The following NSD3 variants were observed in gnomAD, a reference collection of about 807,000 sequenced individuals.
NSD3 encodes the protein nuclear receptor binding SET domain protein 3.
Under a neutral mutation model 160.8 loss-of-function variants are expected in NSD3, and 24 were observed. That is an observed-to-expected ratio of 0.15 (90% CI 0.11 to 0.21). The LOEUF (loss-of-function observed/expected upper bound fraction) is 0.21. Among genes scored for constraint, NSD3 ranks in the 10% least tolerant of loss-of-function variants. The probability of loss-of-function intolerance (pLI) is 1.00; values close to 1 mark genes in which losing one functional copy is unlikely to be tolerated. For synonymous variants in NSD3, 520 were observed against 600.0 expected (o/e 0.87, Z 1.95); for missense variants, 1,157 against 1,735.9 (o/e 0.67, Z 5.93).
chr8:38,339,776 A>G (rs1003168935), intron 2 of NSD3, among the ~76,000 whole-genome samples: 1 of 152,014 alleles, frequency 6.6e-6, no homozygotes, highest in African/African-American at 2.4e-5. Context: ...TAGGGAGGCA[A>G]TTTGGAAGTA....
At chr8:38,279,816 G>A in intron 20 of NSD3, 135 bp from the exon 21 acceptor site, 1 of 898,714 alleles carries the variant, frequency 1.1e-6, no homozygotes, top group Non-Finnish European at 1.6e-6. Context: ...GGAAATGTGA[G>A]GCTGCCTGGG....
At chr8:38,315,208 T>C (rs904883228) in intron 11 of NSD3, among the ~76,000 whole-genome samples, 1 of 152,210 alleles carries the variant, frequency 6.6e-6, no homozygotes, top group Non-Finnish European at 1.5e-5. Context: ...CAATTAATTA[T>C]AGTATATCAC....
chr8:38,339,751 GT>G (rs1455487048), intron 2 of NSD3, among the ~76,000 whole-genome samples: 52 of 150,248 alleles, frequency 3.5e-4, no homozygotes, highest in African/African-American at 1.2e-3. Context: ...AAAGAAAGAA[GT>G]TTCTAAAACC....
At chr8:38,301,835 A>C (rs1446919851) in intron 14 of NSD3, among the ~76,000 whole-genome samples, 1 of 152,266 alleles carries the variant, frequency 6.6e-6, no homozygotes, top group Non-Finnish European at 1.5e-5. Flanking sequence ...AGTTTGACTT[A>C]CATATGCAAA....
intron 1 of NSD3, among the ~76,000 whole-genome samples, chr8:38,364,070 C>T (rs914997898): frequency 6.6e-6 from 1 of 151,952 alleles, no homozygotes; most frequent in African/African-American, 2.4e-5. Flanking sequence ...GTCAGGAGTT[C>T]GAGGTCAGCC....
intron 15 of NSD3, among the ~76,000 whole-genome samples, chr8:38,297,031 G>T (rs1438629457): frequency 1.3e-5 from 2 of 152,174 alleles, no homozygotes; most frequent in African/African-American, 4.8e-5. Context: ...CATGCAGTTT[G>T]ATTCTGTACA....
intron 1 of NSD3, among the ~76,000 whole-genome samples, chr8:38,362,593 A>G (rs1184881727): frequency 6.6e-6 from 1 of 152,198 alleles, no homozygotes; most frequent in Non-Finnish European, 1.5e-5. Flanking sequence ...TACATCATCC[A>G]AAAGAGTCAC....
chr8:38,349,665 T>TTATATATATATA lies in NSD3; in HGVS notation c.-44-1462_-44-1451dup, dbSNP rs71519992. ...TATTTTTTTATTGTAATTTCTTTCTTTATATATATATATATATATATATAT... is the reference window on the plus strand; with the variant it reads ...TATTTTTTTATTGTAATTTCTTTCTTTATATATATATATATATATATATATATATATATATAT... On this transcript the variant is annotated intron_variant, in intron 1 of 23. Coordinates refer to ENST00000317025, the MANE Select transcript of NSD3 (RefSeq NM_023034.2). 3.9e-3 allele frequency among the ~76,000 whole-genome samples: 424 copies of TTATATATATATA among 109,730 alleles called. 1 individual carries two copies. The highest frequency in any genetic ancestry group is 5.0e-3 in the African/African-American group (142 of 28,376). 72.0% of individuals were successfully genotyped at this position (109,730 alleles called of 152,430 possible).
intron 22 of NSD3, 123 bp from the exon 23 acceptor site, chr8:38,276,623 CAGG>C: frequency 1.0e-6 from 1 of 976,312 alleles, no homozygotes; most frequent in South Asian, 1.7e-5. Context: ...CTAAAAACAT[CAGG>C]AGGCCTTATG....
At position 38,288,652 on chromosome 8, in the gene NSD3, C is replaced by A. The variant is rs761860515; in HGVS notation, c.3336G>T (p.Ser1112=). ...PADENPCGLE[S]ECLNRMLQYE... is the part of the protein sequence containing the mutation. ...ACTGCAACATTCTGTTCAGGCACTC[C>A]GATTCCAAGCCACAAGGGTTTTCAT... The change falls in exon 19 of 24, where the codon TCG becomes TCT. Residue 1112 remains serine (S), a synonymous_variant. Coordinates refer to ENST00000317025, the MANE Select transcript of NSD3 (RefSeq NM_023034.2). The surrounding 1 kb of genome is among the most constrained non-coding windows in gnomAD (Gnocchi z 4.5). 1 of 1,614,208 alleles carries A rather than the reference C, an allele frequency of 6.2e-7. No homozygotes were observed. The highest frequency in any genetic ancestry group is 1.7e-5 in the Admixed American group (1 of 60,024).
intron 1 of NSD3, among the ~76,000 whole-genome samples, chr8:38,370,550 T>C (rs1041799247): frequency 6.6e-6 from 1 of 152,176 alleles, no homozygotes; most frequent in African/African-American, 2.4e-5. Flanking sequence ...TGAAGGACTT[T>C]CTAAAATCTC....
rs766349283 is a variant in NSD3 at position 38,305,282 on chromosome 8, G to A, written c.2406C>T (p.Cys802=). Residue 802 remains cysteine, a synonymous_variant, in exon 13 of 24, where the codon TGC becomes TGT. Transcript: ENST00000317025. The part of the protein sequence containing the change: ...FRCPQHCCSA[C]SMEKDIHKAS... ...CTTTGTGGATATCTTTCTCCATAGA[G>A]CAGGCAGAGCAGCAGTGCTGAGGAC... is the stretch of plus-strand genomic sequence containing the variant. The A allele has an allele frequency of 3.1e-6, 5 of 1,614,102 alleles. No individual in the cohort carries two copies. In the South Asian group the frequency reaches 5.5e-5, roughly 18 times the overall value.
intron 12 of NSD3, among the ~76,000 whole-genome samples, chr8:38,312,942 C>T (rs995305550): frequency 2.0e-5 from 3 of 152,132 alleles, no homozygotes; most frequent in Non-Finnish European, 4.4e-5. Flanking sequence ...ACTGGAATGA[C>T]TGAATTTTAG....
At chr8:38,372,937 CT>C (rs1262783835) in intron 1 of NSD3, among the ~76,000 whole-genome samples, 6 of 146,090 alleles carry the variant, frequency 4.1e-5, no homozygotes, top group Non-Finnish European at 6.0e-5. Flanking sequence ...TGTAGTCGAG[CT>C]ACTCGGAAGG....
intron 1 of NSD3, among the ~76,000 whole-genome samples, chr8:38,378,434 G>A (rs1361623434): frequency 6.6e-6 from 1 of 152,222 alleles, no homozygotes; most frequent in Non-Finnish European, 1.5e-5. Context: ...GAGGTCAGGA[G>A]ATCGAGACCA....
Position 38,295,912 on chromosome 8 carries a change from G to A in NSD3, c.2799C>T (p.Phe933=). 1.2e-6 allele frequency: 2 copies of A among 1,613,746 alleles called. No individual in the cohort carries two copies. Among genetic ancestry groups the A allele is most frequent in the Non-Finnish European group, 1.7e-6 (2 of 1,179,872 alleles). ...LLCCESCPAS[F]HPECLSIEMP... is the part of the protein sequence containing the mutation. ...TTTCTATGCTTAGGCATTCCGGGTG[G>A]AAGGAAGCTGGGCACGATTCACAGC... Residue 933 remains phenylalanine, a synonymous_variant, in exon 16 of 24, where the codon TTC becomes TTT. Transcript: ENST00000317025.
At chr8:38,286,187 C>T (rs935668433) in intron 19 of NSD3, among the ~76,000 whole-genome samples, 1 of 152,118 alleles carries the variant, frequency 6.6e-6, no homozygotes, top group African/African-American at 2.4e-5. Flanking sequence ...CCTGTAGTGT[C>T]TCTCACCCCT....
At chr8:38,315,372 A>G (rs368251419) in intron 11 of NSD3, 44 bp downstream of exon 11, 15 of 1,504,206 alleles carry the variant, frequency 1.0e-5, no homozygotes, top group Non-Finnish European at 1.3e-5. Context: ...CTGGCAGAAT[A>G]TAATAGCAAT....
intron 1 of NSD3, among the ~76,000 whole-genome samples, chr8:38,370,162 G>C (rs886268877): frequency 6.6e-6 from 1 of 152,040 alleles, no homozygotes; most frequent in Non-Finnish European, 1.5e-5. Flanking sequence ...AACAACTTTC[G>C]GGGGGAAGGT....
Sources: gnomAD v4.1 joint callset for allele counts (sites outside exome capture counted in the v4.1 genomes callset) on GRCh38, gnomAD v4.1.1 for gene constraint, Gnocchi (gnomAD v3.1) non-coding constraint, MANE v1.5 for transcripts, NCBI Gene and HGNC (gene_info 2026-07-23, HGNC 2026-07-21) for gene names.